PCDHGC3: variants seen among roughly 807,000 people sequenced by gnomAD.
PCDHGC3 encodes the protein protocadherin gamma-C3.
In PCDHGC3, 26 loss-of-function variants were observed where a neutral mutation model predicts 59.2. That is an observed-to-expected ratio of 0.44 (90% CI 0.32 to 0.61). The LOEUF (loss-of-function observed/expected upper bound fraction) is 0.61, where lower values mean the gene tolerates loss of function less well. Ranked by LOEUF, PCDHGC3 falls within the 20% of genes least tolerant of loss-of-function variation. The probability of loss-of-function intolerance (pLI) is 0.05; values close to 1 mark genes in which losing one functional copy is unlikely to be tolerated. For synonymous variants in PCDHGC3, 487 were observed against 519.7 expected, an observed-to-expected ratio of 0.94 and a Z score of 0.86; for missense variants, 1,080 against 1,221.8, an observed-to-expected ratio of 0.88 and a Z score of 1.73.
intron 2 of PCDHGC3, among the ~76,000 whole-genome samples, chr5:141,495,377 G>A (rs558501090): frequency 1.9e-4 from 29 of 152,330 alleles, no homozygotes; most frequent in Admixed American, 6.5e-4. Flanking sequence ...ACTGAGGAAG[G>A]ACTGGGCGGG....
chr5:141,510,400 TA>T (rs780031896), intron 3 of PCDHGC3, among the ~76,000 whole-genome samples: 12 of 151,920 alleles, frequency 7.9e-5, no homozygotes, highest in Non-Finnish European at 1.3e-4. Flanking sequence ...TGGCAAAGGC[TA>T]GGGGCATGTA....
In PCDHGC3 at chr5:141,485,713, G is replaced by A. The variant is rs769162337; in HGVS notation, c.2430+7167G>A. The stretch of plus-strand genomic sequence containing the variant: ...TGAGCTCCAATGAACACTTTGCACT[G>A]GATGTGAAGAAGCGCAGCGACGGCA... On this transcript the variant is annotated intron_variant, in intron 1 of 3. Transcript: ENST00000308177. The surrounding 1 kb of genome is among the most constrained non-coding windows in gnomAD (Gnocchi z 5.7). 2 of 1,614,084 alleles carry A rather than the reference G, an allele frequency of 1.2e-6. No homozygotes were observed. The highest frequency in any genetic ancestry group is 1.3e-5 in the African/African-American group (1 of 74,942).
At position 141,486,061 on chromosome 5, in the gene PCDHGC3, C is replaced by T. The variant is rs1280895997; in HGVS notation, c.2430+7515C>T. 2 of 1,614,166 alleles carry T rather than the reference C, an allele frequency of 1.2e-6. No individual in the cohort carries two copies. Among genetic ancestry groups the T allele is most frequent in the South Asian group, 1.1e-5 (1 of 91,078 alleles). On this transcript the variant is annotated intron_variant, in intron 1 of 3. Coordinates refer to ENST00000308177, the MANE Select transcript of PCDHGC3 (RefSeq NM_002588.4). The surrounding 1 kb of genome is among the most constrained non-coding windows in gnomAD (Gnocchi z 5.0). ...GTGTAAGAAACCTCTTTAGCCTGCA[C>T]CCCACTACTGGAAAGCTTACTCTTT...
At chr5:141,509,096 T>C (rs1364889034) in intron 3 of PCDHGC3, among the ~76,000 whole-genome samples, 1 of 152,124 alleles carries the variant, frequency 6.6e-6, no homozygotes, top group African/African-American at 2.4e-5. Context: ...ATGGGGGCTG[T>C]AGAAACCTGA....
intron 3 of PCDHGC3, among the ~76,000 whole-genome samples, chr5:141,510,166 A>G (rs1280391099): frequency 6.6e-6 from 1 of 151,872 alleles, no homozygotes; most frequent in African/African-American, 2.4e-5. Flanking sequence ...TCAGCTACTC[A>G]GGAGGTTGAG....
At chr5:141,496,048 G>A (rs1327057788) in intron 2 of PCDHGC3, among the ~76,000 whole-genome samples, 1 of 148,400 alleles carries the variant, frequency 6.7e-6, no homozygotes, top group Non-Finnish European at 1.5e-5. Context: ...TCATTTTTTT[G>A]TGCTTGTGGG....
chr5:141,510,194 G>A (rs920127442), intron 3 of PCDHGC3, among the ~76,000 whole-genome samples: 1 of 151,462 alleles, frequency 6.6e-6, no homozygotes, highest in Non-Finnish European at 1.5e-5. Context: ...AATCACTTGA[G>A]CCCAGGAGGC....
intron 3 of PCDHGC3, among the ~76,000 whole-genome samples, chr5:141,506,349 T>A (rs894933059): frequency 8.0e-5 from 12 of 150,304 alleles, no homozygotes; most frequent in Admixed American, 2.7e-4. Context: ...CTTGGGAGGC[T>A]GAGGCAGGAG....
intron 3 of PCDHGC3, among the ~76,000 whole-genome samples, chr5:141,510,511 T>C (rs2099881465): frequency 6.6e-6 from 1 of 152,142 alleles, no homozygotes; most frequent in Non-Finnish European, 1.5e-5. Context: ...TGAGAGCCCG[T>C]GTCACAGCCC....
chr5:141,482,998 T>C (rs1458221945), intron 1 of PCDHGC3, among the ~76,000 whole-genome samples: 1 of 152,008 alleles, frequency 6.6e-6, no homozygotes, highest in Non-Finnish European at 1.5e-5. Flanking sequence ...GGCAGGAGAA[T>C]TGCTTGAACC....
At chr5:141,488,859 G>A (rs1033425540) in intron 1 of PCDHGC3, among the ~76,000 whole-genome samples, 12 of 152,204 alleles carry the variant, frequency 7.9e-5, no homozygotes, top group African/African-American at 2.9e-4. Context: ...GCAGCACGAA[G>A]TGAGTGGGGA....
Position 141,475,983 on chromosome 5 carries a change from C to T in PCDHGC3, c.-134C>T. ...GATGAGGCAGAGACTGAACAGCCGG[C>T]GAGCAAATCAACGGCATCCAGAAAG... On this transcript the variant is annotated 5_prime_UTR_variant, in exon 1 of 4. Coordinates refer to ENST00000308177, the MANE Select transcript of PCDHGC3 (RefSeq NM_002588.4). The T allele has an allele frequency of 1.9e-6, 2 of 1,049,240 alleles. No individual in the cohort carries two copies. The highest frequency in any genetic ancestry group is 2.8e-6 in the Non-Finnish European group (2 of 727,124). 65.0% of individuals were successfully genotyped at this position (1,049,240 alleles called of 1,614,324 possible).
Position 141,505,409 on chromosome 5 carries a change from G to T in PCDHGC3, c.2506G>T (p.Asp836Tyr). The change falls in exon 3 of 4, where the codon GAC (aspartate) becomes TAC (tyrosine). Residue 836 changes from aspartate to tyrosine, a missense_variant. Asp to Tyr is a radical substitution (Grantham distance 160). Transcript: ENST00000308177. ...PGTSGSQNGD[D>Y]TGTWPNNQFD... Reference sequence around the variant, plus strand: ...TCTCCCCAGCTCCCAAAATGGCGATGACACCGGCACCTGGCCCAACAACCA... The same window carrying T: ...TCTCCCCAGCTCCCAAAATGGCGATTACACCGGCACCTGGCCCAACAACCA... 6.2e-7 allele frequency: 1 copy of T among 1,614,200 alleles called. No individual in the cohort carries two copies. Among genetic ancestry groups the T allele is most frequent in the Non-Finnish European group, 8.5e-7 (1 of 1,180,048 alleles).
At chr5:141,478,838 T>C (rs1439577444) in intron 1 of PCDHGC3, 1 of 1,426,484 alleles carries the variant, frequency 7.0e-7, no homozygotes, top group Non-Finnish European at 9.2e-7. Flanking sequence ...TAAGGGATGG[T>C]TAAGCTAAAA....
chr5:141,505,402 T>G lies in PCDHGC3; in HGVS notation c.2499T>G (p.Asn833Lys), dbSNP rs1216666169. 1.9e-6 allele frequency: 3 copies of G among 1,614,014 alleles called. No homozygotes were observed. Among genetic ancestry groups the G allele is most frequent in the Non-Finnish European group, 2.5e-6 (3 of 1,180,034 alleles). Residue 833 changes from asparagine (N) to lysine (K), a missense_variant, in exon 3 of 4, where the codon AAT (asparagine) becomes AAG (lysine). Coordinates refer to ENST00000308177, the MANE Select transcript of PCDHGC3 (RefSeq NM_002588.4). The part of the protein sequence containing the change: ...AQRPGTSGSQ[N>K]GDDTGTWPNN... ...CCTACTCTCTCCCCAGCTCCCAAAA[T>G]GGCGATGACACCGGCACCTGGCCCA...
In PCDHGC3 at chr5:141,489,872, T is replaced by A. The variant is rs2099693206; in HGVS notation, c.2431-4935T>A. 1 of 1,614,090 alleles carries A rather than the reference T, an allele frequency of 6.2e-7. No homozygotes were observed. The highest frequency in any genetic ancestry group is 8.5e-7 in the Non-Finnish European group (1 of 1,180,016). On this transcript the variant is annotated intron_variant, in intron 1 of 3. Coordinates refer to ENST00000308177, the MANE Select transcript of PCDHGC3 (RefSeq NM_002588.4). The surrounding 1 kb of genome is among the most constrained non-coding windows in gnomAD (Gnocchi z 4.5). ...GAAGCCCAGGCAAGACATCAGCTGG[T>A]GCTTACTGCTGTGGATGGGGGGACC...
chr5:141,489,250 A>C lies in PCDHGC3; in HGVS notation c.2431-5557A>C. 1 of 1,546,554 alleles carries C rather than the reference A, an allele frequency of 6.5e-7. No individual in the cohort carries two copies. The highest frequency in any genetic ancestry group is 8.7e-7 in the Non-Finnish European group (1 of 1,146,722). On this transcript the variant is annotated intron_variant, in intron 1 of 3. Transcript: ENST00000308177. This position sits in a 1 kb window ranked among gnomAD's most constrained non-coding sequence, Gnocchi z 4.5. The stretch of plus-strand genomic sequence containing the variant: ...AAGGGACTTCTGGGTCATGGGGCCC[A>C]AGACACTCCCACAGCTCGCTGGGAA...
chr5:141,490,051 G>T lies in PCDHGC3; in HGVS notation c.2431-4756G>T, dbSNP rs779280988. On this transcript the variant is annotated intron_variant, in intron 1 of 3. Coordinates refer to ENST00000308177, the MANE Select transcript of PCDHGC3 (RefSeq NM_002588.4). The surrounding 1 kb of genome is among the most constrained non-coding windows in gnomAD (Gnocchi z 5.4). ...CCGCCTCAATGCCACTGATCCAGACGAGGGCACCAACGGCCAACTAGACTA... is the reference window on the plus strand; with the variant it reads ...CCGCCTCAATGCCACTGATCCAGACTAGGGCACCAACGGCCAACTAGACTA... 3 of 1,614,214 alleles carry T rather than the reference G, an allele frequency of 1.9e-6. No homozygotes were observed. The Middle Eastern group carries it at 4.9e-4, about 266-fold the overall frequency.
At chr5:141,507,786 GTCTAAGCC>G (rs1279265471) in intron 3 of PCDHGC3, among the ~76,000 whole-genome samples, 1 of 152,174 alleles carries the variant, frequency 6.6e-6, no homozygotes, top group Admixed American at 6.5e-5. Flanking sequence ...CCTGACCCTC[GTCTAAGCC>G]TGCGCCCTGG....
Sources: gnomAD v4.1 joint callset for allele counts (sites outside exome capture counted in the v4.1 genomes callset) on GRCh38, gnomAD v4.1.1 for gene constraint, Gnocchi (gnomAD v3.1) non-coding constraint, MANE v1.5 for transcripts, NCBI Gene and HGNC (gene_info 2026-07-23, HGNC 2026-07-21) for gene names.